SPATA9: variants seen among roughly 807,000 people sequenced by gnomAD.
SPATA9 encodes spermatogenesis associated 9.
A neutral mutation model predicts 25.5 loss-of-function variants in SPATA9; 27 were observed. That is an observed-to-expected ratio of 1.06 (90% confidence interval 0.78 to 1.46). The LOEUF is 1.46. Ranked by LOEUF, SPATA9 falls within the 40% of genes most tolerant of loss-of-function variation. SPATA9 has a pLI of 0.00. For missense variants in SPATA9, 282 were observed against 297.5 expected (o/e 0.95, Z 0.38); for synonymous variants, 102 against 105.7 (o/e 0.97, Z 0.21).
the SPATA9 span, among the ~76,000 whole-genome samples, chr5:95,705,878 C>T: frequency 1.3e-5 from 2 of 152,156 alleles, no homozygotes; most frequent in African/African-American, 4.8e-5. Flanking sequence ...GTTTTTATTA[C>T]TCAGAAACCT....
intron 1 of SPATA9, among the ~76,000 whole-genome samples, chr5:95,690,406 T>C (rs1753852446): frequency 6.6e-6 from 1 of 152,166 alleles, no homozygotes; most frequent in African/African-American, 2.4e-5. Flanking sequence ...TAAAGAAATA[T>C]GTGATACCAA....
At chr5:95,708,279 G>A in the SPATA9 span, among the ~76,000 whole-genome samples, 4 of 152,110 alleles carry the variant, frequency 2.6e-5, no homozygotes, top group Admixed American at 2.0e-4. Context: ...GTCAAAGGCC[G>A]GATTGGCTTG....
At chr5:95,710,549 A>G in the SPATA9 span, among the ~76,000 whole-genome samples, 2 of 152,206 alleles carry the variant, frequency 1.3e-5, no homozygotes, top group Non-Finnish European at 2.9e-5. Context: ...TTAGATAAAT[A>G]GGCCACTGGG....
chr5:95,655,157 GTTTAT>G (rs1163325741), downstream of SPATA9, among the ~76,000 whole-genome samples: 2 of 152,090 alleles, frequency 1.3e-5, no homozygotes, highest in African/African-American at 4.8e-5. Context: ...ACGTATGTGT[GTTTAT>G]TTTTTCTATT....
chr5:95,694,151 C>A (rs2112709040), intron 1 of SPATA9, among the ~76,000 whole-genome samples: 1 of 152,026 alleles, frequency 6.6e-6, no homozygotes, highest in South Asian at 2.1e-4. Context: ...GAGAGCAAGA[C>A]CTAGTCTCAA....
the SPATA9 span, among the ~76,000 whole-genome samples, chr5:95,710,946 G>A: frequency 6.6e-6 from 1 of 151,910 alleles, no homozygotes; most frequent in African/African-American, 2.4e-5. Context: ...AATATCTGGG[G>A]CTGCCTGAGC....
At chr5:95,695,921 C>T (rs146951747) in intron 1 of SPATA9, among the ~76,000 whole-genome samples, 15 of 152,262 alleles carry the variant, frequency 9.9e-5, no homozygotes, top group African/African-American at 3.6e-4. Context: ...CTGTCTTGCT[C>T]GCTCTTTCTC....
chr5:95,672,472 T>TA (rs1752497098), intron 3 of SPATA9, among the ~76,000 whole-genome samples: 2 of 151,662 alleles, frequency 1.3e-5, no homozygotes, highest in African/African-American at 4.8e-5. Flanking sequence ...TTTTTTTTTT[T>TA]AAATAAACAA....
At chr5:95,683,631 G>A (rs773184473), upstream of SPATA9, among the ~76,000 whole-genome samples, 1 of 152,056 alleles carries the variant, frequency 6.6e-6, no homozygotes, top group Admixed American at 6.6e-5. Context: ...TCAGCCTCCC[G>A]GGTTCACACC....
At chr5:95,676,784 CA>C (rs1468262210) in intron 2 of SPATA9, among the ~76,000 whole-genome samples, 2 of 152,172 alleles carry the variant, frequency 1.3e-5, no homozygotes, top group African/African-American at 4.8e-5. Flanking sequence ...GAGATCTAAT[CA>C]AAACTTATGT....
chr5:95,717,354 T>TA, the SPATA9 span, among the ~76,000 whole-genome samples: 1 of 152,228 alleles, frequency 6.6e-6, no homozygotes, highest in Admixed American at 6.5e-5. Flanking sequence ...TTCCTTAAAA[T>TA]AAATCTCTCT....
At chr5:95,726,279 A>G in the SPATA9 span, among the ~76,000 whole-genome samples, 24 of 152,376 alleles carry the variant, frequency 1.6e-4, no homozygotes, top group South Asian at 1.2e-3. Context: ...CTTGGCAAGA[A>G]GAAAACTAAG....
chr5:95,719,304 G>C, the SPATA9 span, among the ~76,000 whole-genome samples: 1 of 152,142 alleles, frequency 6.6e-6, no homozygotes, highest in African/African-American at 2.4e-5. Context: ...TCAGGAGGAT[G>C]AAAGAGTAAT....
chr5:95,728,762 C>A, the SPATA9 span, among the ~76,000 whole-genome samples: 7 of 152,116 alleles, frequency 4.6e-5, no homozygotes, highest in African/African-American at 1.7e-4. Context: ...GCATTCTTAG[C>A]CACAGGATGA....
At chr5:95,695,012 A>C (rs1347673463) in intron 1 of SPATA9, among the ~76,000 whole-genome samples, 3 of 152,212 alleles carry the variant, frequency 2.0e-5, no homozygotes, top group African/African-American at 7.2e-5. Context: ...CATTTAAAAA[A>C]ATTTAAGTGA....
chr5:95,699,837 T>G (rs1240037049), upstream of SPATA9, among the ~76,000 whole-genome samples: 3 of 152,204 alleles, frequency 2.0e-5, no homozygotes. Context: ...AGTACAAATA[T>G]CTTATAGTTA....
At chr5:95,705,170 G>C in the SPATA9 span, among the ~76,000 whole-genome samples, 1 of 151,702 alleles carries the variant, frequency 6.6e-6, no homozygotes, top group Non-Finnish European at 1.5e-5. Flanking sequence ...GTTTTGCTAT[G>C]TTGCCCAAGC....
At chr5:95,653,006 C>A in exon 9 of SPATA9, 1 of 1,453,626 alleles carries the variant, frequency 6.9e-7, no homozygotes, top group Non-Finnish European at 9.2e-7. Flanking sequence ...CAGCACTGCA[C>A]AACCTGGCTC....
chr5:95,721,943 G>A, the SPATA9 span, among the ~76,000 whole-genome samples: 10 of 152,180 alleles, frequency 6.6e-5, no homozygotes, highest in Admixed American at 4.6e-4. Flanking sequence ...AAATCTCTAA[G>A]AAAATTTTGA....
Sources: allele counts gnomAD v4.1 joint callset (sites outside exome capture counted in the v4.1 genomes callset), GRCh38; gene constraint gnomAD v4.1.1; transcripts MANE v1.5; gene names NCBI Gene and HGNC (gene_info 2026-07-23, HGNC 2026-07-21).